Variants in TAOK1 observed in about 807,000 individuals in gnomAD.
TAOK1 encodes the protein TAO kinase 1, also known as serine/threonine-protein kinase TAO1.
A neutral mutation model predicts 138.3 loss-of-function variants in TAOK1; 21 were observed. The observed-to-expected ratio is 0.15, with a 90% confidence interval of 0.11 to 0.22. The LOEUF (loss-of-function observed/expected upper bound fraction) is 0.22. Ranked by LOEUF, TAOK1 falls within the 10% of genes least tolerant of loss-of-function variation. TAOK1 has a pLI of 1.00. For missense variants in TAOK1, 651 were observed against 1,227.7 expected, an observed-to-expected ratio of 0.53 and a Z score of 7.02; for synonymous variants, 361 against 398.4, an observed-to-expected ratio of 0.91 and a Z score of 1.12.
chr17:29,489,077 C>G (rs999219939), intron 8 of TAOK1, among the ~76,000 whole-genome samples: 5 of 152,082 alleles, frequency 3.3e-5, no homozygotes, highest in Admixed American at 6.6e-5. Context: ...ATTAAATGAC[C>G]TGATTTAATG....
At chr17:29,464,271 T>TA (rs371410674) in intron 2 of TAOK1, among the ~76,000 whole-genome samples, 2,399 of 140,230 alleles carry the variant, frequency 0.017, 49 homozygotes, top group African/African-American at 0.052. Context: ...CCGTCTCTAC[T>TA]AAAAAAAAAA....
rs58767952 is a variant in TAOK1, at chr17:29,397,626, A to ACAAG, written c.-95+6602_-95+6603insCAAG. 2.8e-5 allele frequency among the ~76,000 whole-genome samples: 3 copies of ACAAG among 107,452 alleles called. 1 individual carries two copies. Among genetic ancestry groups the ACAAG allele is most frequent in the Admixed American group, 1.0e-4 (1 of 9,768 alleles). The allele number at this position is 107,452 out of a possible 152,430, so 70.5% of individuals were successfully genotyped here. A position where few individuals can be genotyped will look rare whatever the true frequency, so the allele number is the denominator to read the frequency against. ...CCCCCCCAAAAAAATATATATATAT[A>ACAAG]TATACATGTATACATGTATATATGT... On this transcript the variant is annotated intron_variant, in intron 1 of 19. Coordinates refer to ENST00000261716, the MANE Select transcript of TAOK1 (RefSeq NM_020791.4).
chr17:29,461,775 TA>T (rs891644348), intron 2 of TAOK1, among the ~76,000 whole-genome samples: 3 of 151,954 alleles, frequency 2.0e-5, no homozygotes, highest in Admixed American at 2.0e-4. Flanking sequence ...AATGCTGATT[TA>T]GGGGGCCAGG....
intron 17 of TAOK1, among the ~76,000 whole-genome samples, chr17:29,529,695 G>A (rs771658790): frequency 2.6e-5 from 4 of 151,984 alleles, no homozygotes; most frequent in African/African-American, 9.7e-5. Flanking sequence ...GTGAAACCCC[G>A]TCTCTACTAA....
At chr17:29,400,350 A>G (rs1196895597) in intron 1 of TAOK1, among the ~76,000 whole-genome samples, 1 of 145,228 alleles carries the variant, frequency 6.9e-6, no homozygotes, top group African/African-American at 2.6e-5. Context: ...AGATCGCGCC[A>G]TTGCACTCCA....
chr17:29,392,152 G>C (rs1904453207), intron 1 of TAOK1, among the ~76,000 whole-genome samples: 2 of 152,086 alleles, frequency 1.3e-5, no homozygotes, highest in South Asian at 4.1e-4. Flanking sequence ...GGAGGCGGAG[G>C]TTGCAGTGAG....
At chr17:29,501,831 G>C (rs1396425129) in intron 12 of TAOK1, among the ~76,000 whole-genome samples, 1 of 151,512 alleles carries the variant, frequency 6.6e-6, no homozygotes, top group Non-Finnish European at 1.5e-5. Context: ...GAGCCCAGTA[G>C]TTCAAGACCA....
At chr17:29,393,457 A>T (rs1179023847) in intron 1 of TAOK1, among the ~76,000 whole-genome samples, 1 of 152,212 alleles carries the variant, frequency 6.6e-6, no homozygotes. Flanking sequence ...GATCAATTAG[A>T]TAAATACATT....
In TAOK1 at chr17:29,551,629, G is replaced by A. The variant is rs2032497467; in HGVS notation, c.*8607G>A. 1 of 152,612 alleles carries A rather than the reference G, an allele frequency of 6.6e-6. No homozygotes were observed. The allele number at this position is 152,612 out of a possible 1,614,324, so 9.5% of individuals were successfully genotyped here. The stretch of plus-strand genomic sequence containing the variant: ...AGCTGGTAAAGGTGACTGTACAGAT[G>A]TGCATTTTCCTTTTGGTATAAATGG... On this transcript the variant is annotated 3_prime_UTR_variant, in exon 20 of 20. Coordinates refer to ENST00000261716, the MANE Select transcript of TAOK1 (RefSeq NM_020791.4).
chr17:29,532,255 CTA>C (rs1056488311), intron 18 of TAOK1, among the ~76,000 whole-genome samples: 10 of 152,018 alleles, frequency 6.6e-5, no homozygotes, highest in African/African-American at 2.2e-4. Flanking sequence ...TGCTTGTAGA[CTA>C]TAGTTTGCTG....
chr17:29,417,583 C>CT (rs1905299537), intron 1 of TAOK1, among the ~76,000 whole-genome samples: 1 of 152,174 alleles, frequency 6.6e-6, no homozygotes, highest in Non-Finnish European at 1.5e-5. Flanking sequence ...GAACAGCTTA[C>CT]TTTTTGCCAG....
intron 1 of TAOK1, among the ~76,000 whole-genome samples, chr17:29,435,506 A>G (rs1905998220): frequency 6.6e-6 from 1 of 152,124 alleles, no homozygotes; most frequent in South Asian, 2.1e-4. Flanking sequence ...CTCAGATAAG[A>G]CCTTGAAACA....
intron 1 of TAOK1, among the ~76,000 whole-genome samples, chr17:29,443,945 T>C (rs1471464347): frequency 6.6e-6 from 1 of 152,080 alleles, no homozygotes; most frequent in African/African-American, 2.4e-5. Flanking sequence ...TGAAACCCCG[T>C]GTCTACTAAA....
chr17:29,497,105 G>A (rs2031429900), intron 11 of TAOK1, among the ~76,000 whole-genome samples: 1 of 152,130 alleles, frequency 6.6e-6, no homozygotes, highest in South Asian at 2.1e-4. Context: ...AGTATATTAT[G>A]TGTAAAGCTA....
At chr17:29,516,033 T>A (rs200045801) in intron 15 of TAOK1, among the ~76,000 whole-genome samples, 3 of 151,670 alleles carry the variant, frequency 2.0e-5, no homozygotes, top group Non-Finnish European at 2.9e-5. Flanking sequence ...CTCGGCTCAC[T>A]GCACTGCAAC....
In TAOK1 at chr17:29,495,740, A is replaced by G; in HGVS notation, c.999+13A>G. The G allele has an allele frequency of 1.9e-6, 3 of 1,575,228 alleles. No homozygotes were observed. In the South Asian group the frequency reaches 3.5e-5, roughly 18 times the overall value. On this transcript the variant is annotated intron_variant, in intron 11 of 19. Coordinates refer to ENST00000261716, the MANE Select transcript of TAOK1 (RefSeq NM_020791.4). Reference sequence around the variant, plus strand: ...GGAAGAAGAAGAGGTAAGAGATAAAAAAATGACTCCAATATTGAATTTTCA... The same window carrying G: ...GGAAGAAGAAGAGGTAAGAGATAAAGAAATGACTCCAATATTGAATTTTCA...
At chr17:29,484,380 G>A (rs1414857604) in intron 8 of TAOK1, among the ~76,000 whole-genome samples, 1 of 152,152 alleles carries the variant, frequency 6.6e-6, no homozygotes, top group Non-Finnish European at 1.5e-5. Context: ...TATATTTTAA[G>A]CCTGATTATG....
chr17:29,410,376 G>A (rs532917781), intron 1 of TAOK1, among the ~76,000 whole-genome samples: 48 of 151,540 alleles, frequency 3.2e-4, no homozygotes, highest in African/African-American at 7.0e-4. Flanking sequence ...TCACACTCCC[G>A]AGTAGCTGGG....
chr17:29,530,788 C>T, intron 18 of TAOK1, 169 bp downstream of exon 18: 3 of 632,712 alleles, frequency 4.7e-6, no homozygotes, highest in Non-Finnish European at 5.6e-6. Context: ...TTGAAAATGT[C>T]ATGATGCATG....
Sources: allele counts gnomAD v4.1 joint callset (sites outside exome capture counted in the v4.1 genomes callset), GRCh38; gene constraint gnomAD v4.1.1; transcripts MANE v1.5; gene names NCBI Gene and HGNC (gene_info 2026-07-23, HGNC 2026-07-21).